The following PNLIPRP1 variants were observed in gnomAD, a reference collection of about 807,000 sequenced individuals.
PNLIPRP1 encodes the protein pancreatic lipase related protein 1, also known as inactive pancreatic lipase-related protein 1.
In PNLIPRP1, 57 loss-of-function variants were observed where a neutral mutation model predicts 54.6. The ratio of observed to expected loss-of-function variants is 1.04; its 90% CI spans 0.84 to 1.30. The LOEUF (loss-of-function observed/expected upper bound fraction) is 1.30, where lower values mean the gene tolerates loss of function less well. Ranked by LOEUF, PNLIPRP1 falls within the 50% of genes most tolerant of loss-of-function variation. The probability of loss-of-function intolerance (pLI) is 0.00; values close to 1 mark genes in which losing one functional copy is unlikely to be tolerated. For synonymous variants in PNLIPRP1, 232 were observed against 208.8 expected, an observed-to-expected ratio of 1.11 and a Z score of -0.96; for missense variants, 567 against 568.5, an observed-to-expected ratio of 1.00 and a Z score of 0.03.
Position 116,605,479 on chromosome 10 carries a change from C to A in PNLIPRP1, c.1266C>A (p.Asn422Lys). Residue 422 changes from asparagine (N) to lysine (K), a missense_variant, in exon 12 of 13, where the codon AAC becomes AAA. Physicochemically the swap from Asn to Lys is moderately conservative, Grantham distance 94. Coordinates refer to ENST00000358834, the MANE Select transcript of PNLIPRP1 (RefSeq NM_006229.4). ...AGAAAGTCAAGTTTCTTTGGAATAA[C>A]AATGTGATAAATCCAACCCTCCCCA... ...TIEKVKFLWN[N>K]NVINPTLPKV... 1.2e-6 allele frequency: 2 copies of A among 1,610,870 alleles called. No homozygotes were observed. Among genetic ancestry groups the A allele is most frequent in the South Asian group, 2.2e-5 (2 of 90,792 alleles).
intron 8 of PNLIPRP1, among the ~76,000 whole-genome samples, chr10:116,598,971 C>A (rs1554864370): frequency 6.6e-6 from 1 of 152,132 alleles, no homozygotes; most frequent in African/African-American, 2.4e-5. Flanking sequence ...AGAATGAGGA[C>A]AGGCCAGCTG....
chr10:116,595,811 T>C (rs1232144933), intron 5 of PNLIPRP1: 4 of 161,908 alleles, frequency 2.5e-5, no homozygotes, highest in East Asian at 1.8e-4. Context: ...CAGGAACACA[T>C]AGAAGGCAGC....
At chr10:116,601,229 T>C (rs782484321) in intron 10 of PNLIPRP1, 28 bp downstream of exon 10, 2 of 1,602,626 alleles carry the variant, frequency 1.2e-6, no homozygotes, top group Admixed American at 3.4e-5. Context: ...TACCTGCCCA[T>C]GTAAAGAAAG....
intron 4 of PNLIPRP1, chr10:116,594,057 C>T (rs1473184636): frequency 3.5e-6 from 1 of 282,328 alleles, no homozygotes; most frequent in African/African-American, 2.3e-5. Context: ...TATTAGTATA[C>T]TATATGTGGA....
chr10:116,599,777 G>A (rs1384576471), intron 8 of PNLIPRP1, among the ~76,000 whole-genome samples: 1 of 152,170 alleles, frequency 6.6e-6, no homozygotes, highest in Admixed American at 6.5e-5. Flanking sequence ...GGAATGAGAT[G>A]ATAATGCATA....
At chr10:116,602,309 G>T (rs759078637) in intron 10 of PNLIPRP1, among the ~76,000 whole-genome samples, 1 of 150,654 alleles carries the variant, frequency 6.6e-6, no homozygotes, top group African/African-American at 2.4e-5. Context: ...GTGAGCCACC[G>T]CACCCGGCCC....
At chr10:116,599,734 G>A (rs1847799917) in intron 8 of PNLIPRP1, among the ~76,000 whole-genome samples, 1 of 152,106 alleles carries the variant, frequency 6.6e-6, no homozygotes, top group Non-Finnish European at 1.5e-5. Context: ...CTGTAAATCT[G>A]AGGCTACACT....
At chr10:116,599,266 TAAAATA>T (rs1250377656) in intron 8 of PNLIPRP1, among the ~76,000 whole-genome samples, 7 of 55,022 alleles carry the variant, frequency 1.3e-4, no homozygotes, top group Admixed American at 2.8e-4. Context: ...GAAAATAAAA[TAAAATA>T]AAATAAAATA....
chr10:116,595,277 C>T (rs1352275203), intron 5 of PNLIPRP1: 1 of 198,898 alleles, frequency 5.0e-6, no homozygotes, highest in Non-Finnish European at 1.1e-5. Flanking sequence ...ACGGACAGTA[C>T]GTGCAATTGG....
At chr10:116,605,299 T>A (rs781938614) in intron 11 of PNLIPRP1, 87 bp from the exon 12 acceptor site, 135 of 698,420 alleles carry the variant, frequency 1.9e-4, no homozygotes, top group Non-Finnish European at 2.9e-4. Flanking sequence ...ATCCTGTTAA[T>A]CTAGAAGAGA....
In PNLIPRP1 at chr10:116,591,928, G is replaced by A. The variant is rs1847646265; in HGVS notation, c.204+3G>A. Reference sequence around the variant, plus strand: ...ATGAAAACCCAAACAACTTTCAAGTGAGACCTCTGTCATTTAAATGTCACT... The same window carrying A: ...ATGAAAACCCAAACAACTTTCAAGTAAGACCTCTGTCATTTAAATGTCACT... On this transcript the variant is annotated splice_donor_region_variant and intron_variant, in intron 3 of 12. Coordinates refer to ENST00000358834, the MANE Select transcript of PNLIPRP1 (RefSeq NM_006229.4). 9 of 1,614,096 alleles carry A rather than the reference G, an allele frequency of 5.6e-6. No individual in the cohort carries two copies. Among genetic ancestry groups the A allele is most frequent in the Non-Finnish European group, 7.6e-6 (9 of 1,180,018 alleles).
rs1554863687 is a variant in PNLIPRP1 at position 116,594,680 on chromosome 10, T to C, written c.331-50T>C. ...ATTTCTGAGCCCTGGCTGGATAAGG[T>C]TTCCCCTGCTCCCATTATCTCCCCA... On this transcript the variant is annotated intron_variant, in intron 4 of 12. Transcript: ENST00000358834. 3 of 1,608,310 alleles carry C rather than the reference T, an allele frequency of 1.9e-6. No homozygotes were observed. In the African/African-American group the frequency reaches 4.0e-5, roughly 21 times the overall value.
At chr10:116,595,272 C>T (rs1223942332) in intron 5 of PNLIPRP1, 8 of 211,008 alleles carry the variant, frequency 3.8e-5, no homozygotes, top group African/African-American at 1.8e-4. Flanking sequence ...AGCCAACGGA[C>T]AGTACGTGCA....
rs375146000 is a variant in PNLIPRP1, at chr10:116,601,211, A to C, written c.1063+10A>C. On this transcript the variant is annotated intron_variant, in intron 10 of 12. Coordinates refer to ENST00000358834, the MANE Select transcript of PNLIPRP1 (RefSeq NM_006229.4). Reference sequence around the variant, plus strand: ...GCTAGCAATTTCGCTCGTAAGTTGCACTTTGACTACCTGCCCATGTAAAGA... The same window carrying C: ...GCTAGCAATTTCGCTCGTAAGTTGCCCTTTGACTACCTGCCCATGTAAAGA... 8.1e-6 allele frequency: 13 copies of C among 1,610,130 alleles called. No homozygotes were observed. The highest frequency in any genetic ancestry group is 1.3e-5 in the African/African-American group (1 of 74,770).
intron 9 of PNLIPRP1, chr10:116,600,493 T>C (rs1847815722): frequency 4.2e-6 from 1 of 239,914 alleles, no homozygotes; most frequent in Non-Finnish European, 8.2e-6. Context: ...GGAATGCACA[T>C]TTCTGGCAAG....
At chr10:116,591,332 C>A (rs782681752) in intron 2 of PNLIPRP1, among the ~76,000 whole-genome samples, 154 bp downstream of exon 2, 1 of 152,146 alleles carries the variant, frequency 6.6e-6, no homozygotes, top group African/African-American at 2.4e-5. Flanking sequence ...GTAGGCTGGG[C>A]AGTTTAAGGG....
In PNLIPRP1 at chr10:116,597,840, T is replaced by C. The variant is rs1847763290; in HGVS notation, c.587T>C (p.Val196Ala). ...GLSRITGLDP[V>A]EASFESTPEE... ...TCATCTCTTTTAGGGTTGGATCCTG[T>C]AGAAGCAAGTTTCGAGAGTACTCCT... is the stretch of plus-strand genomic sequence containing the variant. Residue 196 changes from valine (V) to alanine (A), a missense_variant, in exon 7 of 13, where the codon GTA becomes GCA. Coordinates refer to ENST00000358834, the MANE Select transcript of PNLIPRP1 (RefSeq NM_006229.4). The C allele has an allele frequency of 6.2e-7, 1 of 1,614,166 alleles. No individual in the cohort carries two copies. Among genetic ancestry groups the C allele is most frequent in the Admixed American group, 1.7e-5 (1 of 60,010 alleles).
At chr10:116,607,463 G>A (rs971779839) in intron 12 of PNLIPRP1, among the ~76,000 whole-genome samples, 3 of 152,142 alleles carry the variant, frequency 2.0e-5, no homozygotes, top group African/African-American at 2.4e-5. Flanking sequence ...GCAGAGGGCC[G>A]CGGGGAGGCT....
At chr10:116,591,303 T>C in intron 2 of PNLIPRP1, 125 bp downstream of exon 2, 1 of 707,780 alleles carries the variant, frequency 1.4e-6, no homozygotes, top group Admixed American at 2.5e-5. Flanking sequence ...AGATGTGGGC[T>C]GACACTCTGC....
Sources: allele counts gnomAD v4.1 joint callset (sites outside exome capture counted in the v4.1 genomes callset), GRCh38; gene constraint gnomAD v4.1.1; transcripts MANE v1.5; gene names NCBI Gene and HGNC (gene_info 2026-07-23, HGNC 2026-07-21).